Variants in NAV1 observed in about 807,000 individuals in gnomAD.
NAV1 encodes pore membrane and/or filament interacting like protein 3.
A neutral mutation model predicts 175.2 loss-of-function variants in NAV1; 18 were observed. The ratio of observed to expected loss-of-function variants is 0.10; its 90% CI spans 0.07 to 0.15. The LOEUF (loss-of-function observed/expected upper bound fraction) is 0.15, where lower values mean the gene tolerates loss of function less well. Among genes scored for constraint, NAV1 ranks in the 10% least tolerant of loss-of-function variants. The probability of loss-of-function intolerance (pLI) is 1.00; values close to 1 mark genes in which losing one functional copy is unlikely to be tolerated. For missense variants in NAV1, 1,731 were observed against 2,436.6 expected (o/e 0.71, Z 6.10); for synonymous variants, 897 against 978.7 (o/e 0.92, Z 1.56).
intron 1 of NAV1, among the ~76,000 whole-genome samples, chr1:201,701,680 A>G (rs34003407): frequency 0.35 from 53,266 of 152,178 alleles, 11,131 homozygotes; most frequent in South Asian, 0.61. Flanking sequence ...TGACACCTAC[A>G]GTGAGATACC....
intron 1 of NAV1, among the ~76,000 whole-genome samples, chr1:201,555,889 A>G (rs1665996203): frequency 6.6e-6 from 1 of 150,540 alleles, no homozygotes. Flanking sequence ...GGCAGATTTA[A>G]TAACAGCTTC....
At chr1:201,605,547 T>C (rs1219296655) in intron 2 of NAV1, among the ~76,000 whole-genome samples, 1 of 152,148 alleles carries the variant, frequency 6.6e-6, no homozygotes, top group East Asian at 1.9e-4. Flanking sequence ...ATATAAACTC[T>C]AGCATAGAGG....
intron 1 of NAV1, among the ~76,000 whole-genome samples, chr1:201,663,270 G>A (rs561023244): frequency 6.6e-6 from 1 of 152,344 alleles, no homozygotes; most frequent in African/African-American, 2.4e-5. Context: ...GTGATGAAAA[G>A]AAAATAGAAG....
Position 201,807,830 on chromosome 1 carries a change from G to A in NAV1, c.3649-123G>A, listed in dbSNP as rs1470405476. ...TGAATCAAGTGAAGTGTTATAGAGG[G>A]TGGCTTAATTAAAGTAAATCCCCCG... is the stretch of plus-strand genomic sequence containing the variant. On this transcript the variant is annotated intron_variant, in intron 17 of 29. Coordinates refer to ENST00000367296, the Ensembl canonical transcript of NAV1. This position sits in a 1 kb window ranked among gnomAD's most constrained non-coding sequence, Gnocchi z 5.4. 2 of 879,340 alleles carry A rather than the reference G, an allele frequency of 2.3e-6. No homozygotes were observed. Among genetic ancestry groups the A allele is most frequent in the African/African-American group, 1.7e-5 (1 of 59,658 alleles). 54.5% of individuals were successfully genotyped at this position (879,340 alleles called of 1,614,324 possible). A position where few individuals can be genotyped will look rare whatever the true frequency, so the allele number is the denominator to read the frequency against.
chr1:201,587,194 G>T (rs147576745), intron 1 of NAV1, among the ~76,000 whole-genome samples: 1,683 of 150,626 alleles, frequency 0.011, 44 homozygotes, highest in African/African-American at 0.039. Flanking sequence ...CTGGGCAACA[G>T]AGCAAAACCC....
At chr1:201,715,016 C>T (rs1277325736) in intron 2 of NAV1, among the ~76,000 whole-genome samples, 1 of 152,242 alleles carries the variant, frequency 6.6e-6, no homozygotes, top group East Asian at 1.9e-4. Context: ...TGGCTTCTGC[C>T]TCCCTTTATA....
At chr1:201,681,289 T>C (rs1384894120) in intron 1 of NAV1, among the ~76,000 whole-genome samples, 14 of 152,240 alleles carry the variant, frequency 9.2e-5, no homozygotes, top group Admixed American at 9.2e-4. Context: ...GTGAAACTTG[T>C]TAATTGGCAT....
chr1:201,798,351 A>G (rs1356622084), intron 15 of NAV1: 1 of 152,166 alleles, frequency 6.6e-6, no homozygotes, highest in East Asian at 1.9e-4. Context: ...AAGATCAGAA[A>G]TTACTCCAGG....
chr1:201,573,326 C>CGTGTGTGTGTGTATGCGT (rs1666602095), intron 1 of NAV1, among the ~76,000 whole-genome samples: 1 of 150,768 alleles, frequency 6.6e-6, no homozygotes, highest in Non-Finnish European at 1.5e-5. Flanking sequence ...TGTGTGTATG[C>CGTGTGTGTGTGTATGCGT]GTGTGTGTGT....
chr1:201,819,724 A>G (rs998556084), intron 29 of NAV1, 113 bp from the exon 34 acceptor site: 84 of 830,416 alleles, frequency 1.0e-4, no homozygotes, highest in South Asian at 4.0e-4. Flanking sequence ...GCTTCAAGCT[A>G]TCCTTCCACC....
At chr1:201,602,274 C>T (rs1208339739) in intron 2 of NAV1, among the ~76,000 whole-genome samples, 1 of 152,222 alleles carries the variant, frequency 6.6e-6, no homozygotes, top group Non-Finnish European at 1.5e-5. Context: ...TTGGACCCCA[C>T]TGGGCCTAAA....
chr1:201,654,279 T>C (rs558051017), intron 1 of NAV1, among the ~76,000 whole-genome samples: 24 of 152,274 alleles, frequency 1.6e-4, no homozygotes, highest in African/African-American at 5.8e-4. Flanking sequence ...ATTGAATGGG[T>C]AGCAGGACCA....
exon 30 of NAV1, chr1:201,822,250 T>C (rs891754030): frequency 1.3e-5 from 2 of 152,854 alleles, no homozygotes; most frequent in African/African-American, 2.4e-5. Flanking sequence ...AGGTCTCTGC[T>C]GTGCAGAATG....
intron 3 of NAV1, among the ~76,000 whole-genome samples, chr1:201,757,918 A>G (rs1409409535): frequency 6.6e-6 from 1 of 152,202 alleles, no homozygotes; most frequent in East Asian, 1.9e-4. Context: ...GGTTGTGGAA[A>G]GCTGTTGGCT....
intron 1 of NAV1, among the ~76,000 whole-genome samples, chr1:201,571,636 A>G (rs773173568): frequency 1.8e-4 from 27 of 152,192 alleles, no homozygotes; most frequent in Non-Finnish European, 3.4e-4. Context: ...GGCCCCTTCA[A>G]TTATCCACAG....
chr1:201,610,951 T>G (rs973727425), intron 2 of NAV1, among the ~76,000 whole-genome samples: 5 of 151,960 alleles, frequency 3.3e-5, no homozygotes, highest in Non-Finnish European at 4.4e-5. Context: ...CCCTGGGCCC[T>G]GGGGGTGGCG....
intron 1 of NAV1, among the ~76,000 whole-genome samples, chr1:201,554,270 G>A (rs1450130002): frequency 6.6e-6 from 1 of 152,210 alleles, no homozygotes; most frequent in African/African-American, 2.4e-5. Context: ...ACTGGAGCCT[G>A]TGGTGGGGAG....
At chr1:201,793,331 G>GGGC in intron 13 of NAV1, 1 of 154,956 alleles carries the variant, frequency 6.5e-6, no homozygotes, top group Non-Finnish European at 1.4e-5. Flanking sequence ...GAGTAGCAGA[G>GGGC]GAGGAAGAAA....
chr1:201,785,501 A>G, intron 8 of NAV1, 150 bp downstream of exon 12: 1 of 804,212 alleles, frequency 1.2e-6, no homozygotes, highest in Non-Finnish European at 2.0e-6. Flanking sequence ...AGTACCACCT[A>G]GTACCTTGCC....
Sources: gnomAD v4.1 joint callset for allele counts (sites outside exome capture counted in the v4.1 genomes callset) on GRCh38, gnomAD v4.1.1 for gene constraint, Gnocchi (gnomAD v3.1) non-coding constraint, MANE v1.5 for transcripts, NCBI Gene and HGNC (gene_info 2026-07-23, HGNC 2026-07-21) for gene names.